Variants in TKT observed in about 807,000 individuals in gnomAD.
TKT encodes epididymis luminal protein 107.
A neutral mutation model predicts 63.9 loss-of-function variants in TKT; 47 were observed. That is an observed-to-expected ratio of 0.74 (90% CI 0.58 to 0.94). The LOEUF is 0.94. Among genes scored for constraint, TKT ranks in the 40% least tolerant of loss-of-function variants. The probability of loss-of-function intolerance (pLI) is 0.00; values close to 1 mark genes in which losing one functional copy is unlikely to be tolerated. For missense variants in TKT, 721 were observed against 846.2 expected, an observed-to-expected ratio of 0.85 and a Z score of 1.84; for synonymous variants, 338 against 334.1, an observed-to-expected ratio of 1.01 and a Z score of -0.13.
chr3:53,255,954 C>G lies in TKT; in HGVS notation c.-12G>C. On this transcript the variant is annotated 5_prime_UTR_variant, in exon 1 of 14. Transcript: ENST00000462138. Reference sequence around the variant, plus strand: ...TGGTAGCTCTCCATGGTGCGGCAGGCGGGGACCGGGCGCACACGCGGACAC... The same window carrying G: ...TGGTAGCTCTCCATGGTGCGGCAGGGGGGGACCGGGCGCACACGCGGACAC... The G allele has an allele frequency of 6.7e-7, 1 of 1,500,030 alleles. No homozygotes were observed. 92.9% of individuals were successfully genotyped at this position (1,500,030 alleles called of 1,614,324 possible).
At chr3:53,238,911 A>T (rs1163959993) in intron 4 of TKT, among the ~76,000 whole-genome samples, 1 of 152,192 alleles carries the variant, frequency 6.6e-6, no homozygotes, top group Non-Finnish European at 1.5e-5. Context: ...GGGCAAAGGA[A>T]CCCTTCTGAT....
chr3:53,233,431 G>T, intron 5 of TKT, 157 bp from the exon 6 acceptor site: 2 of 506,896 alleles, frequency 3.9e-6, no homozygotes, highest in Non-Finnish European at 6.9e-6. Flanking sequence ...CAACATTCCT[G>T]TTTCCAGTTT....
Position 53,228,359 on chromosome 3 carries a change from C to T in TKT, c.1396G>A (p.Gly466Ser). The change falls in exon 11 of 14, where the codon GGT (glycine) becomes AGT (serine). Residue 466 changes from glycine to serine, a missense_variant and splice_region_variant. By Grantham distance (56) the Gly-to-Ser change is moderately conservative. Transcript: ENST00000462138. Reference sequence around the variant, plus strand: ...CGGCTGGTCCGGATGAAGCAGATACCCTGAGACCGAAACAGATAAACTGAG... The same window carrying T: ...CGGCTGGTCCGGATGAAGCAGATACTCTGAGACCGAAACAGATAAACTGAG... ...KAVELAANTK[G>S]ICFIRTSRPE... 2 of 1,613,956 alleles carry T rather than the reference C, an allele frequency of 1.2e-6. No homozygotes were observed. The highest frequency in any genetic ancestry group is 1.3e-5 in the African/African-American group (1 of 75,042).
At chr3:53,237,660 T>C (rs111716390) in intron 4 of TKT, 29,917 of 152,048 alleles carry the variant, frequency 0.2, 3,063 homozygotes, top group South Asian at 0.3. Context: ...CAGTGGCTCA[T>C]GCCTGTAATC....
At chr3:53,232,180 G>A (rs982884644) in intron 6 of TKT, 1 of 396,252 alleles carries the variant, frequency 2.5e-6, no homozygotes. Context: ...GAACTCCCAG[G>A]TAGCACCCAG....
chr3:53,235,266 T>G (rs1304186899), intron 4 of TKT, 92 bp from the exon 5 acceptor site: 7 of 1,203,010 alleles, frequency 5.8e-6, no homozygotes, highest in African/African-American at 2.0e-5. Flanking sequence ...GCATTCTGGG[T>G]AAAGGAGCAG....
intron 9 of TKT, 56 bp downstream of exon 9, chr3:53,229,224 C>T (rs533639784): frequency 3.1e-6 from 5 of 1,613,072 alleles, no homozygotes; most frequent in Non-Finnish European, 4.2e-6. Flanking sequence ...CCCTCCCATA[C>T]CTCCTGGTGC....
intron 1 of TKT, among the ~76,000 whole-genome samples, chr3:53,246,822 G>A (rs1390242980): frequency 6.7e-6 from 1 of 148,766 alleles, no homozygotes; most frequent in African/African-American, 2.5e-5. Context: ...TTGCACTCCA[G>A]CCTGGACAAC....
Position 53,256,009 on chromosome 3 carries a change from A to G in TKT, c.-67T>C. On this transcript the variant is annotated 5_prime_UTR_variant, in exon 1 of 14. Transcript: ENST00000462138. Reference sequence around the variant, plus strand: ...AGATAGCGGCTGCTCCCGCGGCGACAGGCGGCTGCCGAGGCCGGGCGCGGG... The same window carrying G: ...AGATAGCGGCTGCTCCCGCGGCGACGGGCGGCTGCCGAGGCCGGGCGCGGG... The G allele has an allele frequency of 3.8e-6, 4 of 1,050,620 alleles. No individual in the cohort carries two copies. Among genetic ancestry groups the G allele is most frequent in the Non-Finnish European group, 3.7e-6 (3 of 805,552 alleles). The allele number at this position is 1,050,620 out of a possible 1,614,324, so 65.1% of individuals were successfully genotyped here. A position where few individuals can be genotyped will look rare whatever the true frequency, so the allele number is the denominator to read the frequency against.
chr3:53,245,326 C>G (rs1336336757), intron 1 of TKT, among the ~76,000 whole-genome samples: 1 of 146,178 alleles, frequency 6.8e-6, no homozygotes, highest in Non-Finnish European at 1.5e-5. Context: ...AAAAAAAAAG[C>G]CCCCTCTCCA....
chr3:53,235,992 C>T (rs1342622009), intron 4 of TKT, among the ~76,000 whole-genome samples: 1 of 36,428 alleles, frequency 2.7e-5, no homozygotes, highest in East Asian at 1.7e-3. Context: ...CAGCAACAGA[C>T]AGGACTTGTC....
Position 53,236,876 on chromosome 3 carries a change from T to C in TKT, c.438-1702A>G, listed in dbSNP as rs77673928. Among the ~76,000 whole-genome samples, 752 of 152,330 alleles carry C rather than the reference T, an allele frequency of 4.9e-3. 39 individuals are homozygous for C. The South Asian group carries it at 0.1, about 21-fold the overall frequency. Reference sequence around the variant, plus strand: ...GGAAGGGGCCTACAGGAGCCTGGGCTAACCCTGAGGCTTGGTATTGCCTGA... The same window carrying C: ...GGAAGGGGCCTACAGGAGCCTGGGCCAACCCTGAGGCTTGGTATTGCCTGA... On this transcript the variant is annotated intron_variant, in intron 4 of 13. Transcript: ENST00000462138.
chr3:53,226,037 C>T lies in TKT; in HGVS notation c.1697-106G>A, dbSNP rs1162661855. ...AAGGATGGAGGAGGCTGCATATGCA[C>T]TGCCTTTCTCCACCTGTAGCCATGA... On this transcript the variant is annotated intron_variant, in intron 13 of 13. Transcript: ENST00000462138. The T allele has an allele frequency of 4.6e-6, 5 of 1,076,808 alleles. No individual in the cohort carries two copies. The African/African-American group carries it at 8.0e-5, about 17-fold the overall frequency. 66.7% of individuals were successfully genotyped at this position (1,076,808 alleles called of 1,614,324 possible).
intron 13 of TKT, 153 bp from the exon 14 acceptor site, chr3:53,226,084 T>G: frequency 3.2e-6 from 2 of 629,550 alleles, no homozygotes; most frequent in East Asian, 3.1e-5. Flanking sequence ...AACTCATTGA[T>G]TTTTTTTATT....
intron 8 of TKT, 24 bp from the exon 9 acceptor site, chr3:53,229,460 A>G (rs1704650130): frequency 6.3e-7 from 1 of 1,590,104 alleles, no homozygotes; most frequent in Non-Finnish European, 8.6e-7. Flanking sequence ...GGACAGGGTC[A>G]GCCCAAAGGG....
At chr3:53,246,193 A>C (rs1442723877) in intron 1 of TKT, among the ~76,000 whole-genome samples, 18 of 152,192 alleles carry the variant, frequency 1.2e-4, no homozygotes, top group African/African-American at 4.3e-4. Context: ...ACTTGAACCC[A>C]GGAGGCTGAG....
intron 1 of TKT, among the ~76,000 whole-genome samples, chr3:53,244,875 C>T (rs1462257098): frequency 1.7e-5 from 2 of 119,412 alleles, no homozygotes; most frequent in African/African-American, 3.0e-5. Context: ...AACAAGCACA[C>T]TTGACTGTTC....
At chr3:53,237,473 T>C (rs1249727636) in intron 4 of TKT, among the ~76,000 whole-genome samples, 2 of 147,640 alleles carry the variant, frequency 1.4e-5, no homozygotes, top group Non-Finnish European at 3.0e-5. Flanking sequence ...TGGTTTAAAG[T>C]GTAATACTAG....
chr3:53,228,508 TC>T, intron 10 of TKT, 149 bp from the exon 11 acceptor site: 2 of 871,728 alleles, frequency 2.3e-6, no homozygotes, highest in South Asian at 3.2e-5. Flanking sequence ...TTGCTTGCCC[TC>T]TGCCGCCCGC....
Sources: gnomAD v4.1 joint callset for allele counts (sites outside exome capture counted in the v4.1 genomes callset) on GRCh38, gnomAD v4.1.1 for gene constraint, MANE v1.5 for transcripts, NCBI Gene and HGNC (gene_info 2026-07-23, HGNC 2026-07-21) for gene names.